KIF3A: variants seen among roughly 807,000 people sequenced by gnomAD.
The protein encoded by KIF3A is kinesin family member 3A.
KIF3A carries 27 observed loss-of-function variants against 92.6 expected under a neutral mutation model. That is an observed-to-expected ratio of 0.29 (90% confidence interval 0.21 to 0.40). The LOEUF is 0.40. KIF3A is among the 10% of genes least tolerant of loss of function. The pLI is 1.00. For synonymous variants in KIF3A, 250 were observed against 275.4 expected (o/e 0.91, Z 0.92); for missense variants, 581 against 872.6 (o/e 0.67, Z 4.21).
chr5:132,737,534 A>G lies in KIF3A; in HGVS notation c.-115T>C. 1 of 1,257,676 alleles carries G rather than the reference A, an allele frequency of 8.0e-7. No homozygotes were observed. Among genetic ancestry groups the G allele is most frequent in the Non-Finnish European group, 1.1e-6 (1 of 916,350 alleles). The allele number at this position is 1,257,676 out of a possible 1,614,324, so 77.9% of individuals were successfully genotyped here. A position where few individuals can be genotyped will look rare whatever the true frequency, so the allele number is the denominator to read the frequency against. ...GAAACACCTCGTTGACGCTCTCGAG[A>G]CTGCGGCTTCTCGGGCGAGAGCGCC... On this transcript the variant is annotated 5_prime_UTR_variant, in exon 1 of 19. Transcript: ENST00000403231.
intron 1 of KIF3A, 31 bp from the exon 2 acceptor site, chr5:132,734,509 A>G (rs754509320): frequency 6.4e-7 from 1 of 1,558,958 alleles, no homozygotes; most frequent in South Asian, 1.2e-5. Flanking sequence ...AAATAATGAA[A>G]AGAACATTAA....
At chr5:132,707,834 T>C (rs989085885) in intron 10 of KIF3A, among the ~76,000 whole-genome samples, 2 of 152,232 alleles carry the variant, frequency 1.3e-5, no homozygotes, top group Non-Finnish European at 2.9e-5. Context: ...ACTACTCCCC[T>C]TTCTTCTGAA....
At position 132,694,826 on chromosome 5, in the gene KIF3A, A is replaced by G. The variant is rs920147827; in HGVS notation, c.*1808T>C. On this transcript the variant is annotated 3_prime_UTR_variant, in exon 19 of 19. Transcript: ENST00000403231. ...AGTAATAAATTTCTAGCTATCTTAC[A>G]TACCACAAACAAATGCAGCCAGTGA... 1 of 152,358 alleles carries G rather than the reference A, an allele frequency of 6.6e-6. No homozygotes were observed. The highest frequency in any genetic ancestry group is 1.9e-4 in the East Asian group (1 of 5,342). 9.4% of individuals were successfully genotyped at this position (152,358 alleles called of 1,614,324 possible).
In KIF3A at chr5:132,726,501, G is replaced by A; in HGVS notation, c.281-3C>T. Reference sequence around the variant, plus strand: ...TTGTCCATATGCAAAAATAGTCCCTGAAAATGATGAAGAGAATCAGTTACT... The same window carrying A: ...TTGTCCATATGCAAAAATAGTCCCTAAAAATGATGAAGAGAATCAGTTACT... On this transcript the variant is annotated splice_polypyrimidine_tract_variant and splice_region_variant and intron_variant, in intron 2 of 18. Coordinates refer to ENST00000403231, the MANE Select transcript of KIF3A (RefSeq NM_001300791.2). 1 of 1,611,870 alleles carries A rather than the reference G, an allele frequency of 6.2e-7. No homozygotes were observed. Among genetic ancestry groups the A allele is most frequent in the Non-Finnish European group, 8.5e-7 (1 of 1,178,432 alleles).
intron 18 of KIF3A, chr5:132,697,768 A>G (rs999702663): frequency 2.0e-5 from 3 of 152,674 alleles, no homozygotes; most frequent in Non-Finnish European, 4.4e-5. Flanking sequence ...AAAAGAAAAG[A>G]AAACAGAAGA....
intron 5 of KIF3A, among the ~76,000 whole-genome samples, chr5:132,717,198 G>A (rs879605476): frequency 1.3e-5 from 2 of 151,934 alleles, no homozygotes; most frequent in Non-Finnish European, 2.9e-5. Context: ...TCATATTAAA[G>A]ACATAACTTT....
chr5:132,726,165 C>T lies in KIF3A; in HGVS notation c.473G>A (p.Arg158His), dbSNP rs1368924100. 1.9e-6 allele frequency: 3 copies of T among 1,611,800 alleles called. No homozygotes were observed. Among genetic ancestry groups the T allele is most frequent in the African/African-American group, 1.3e-5 (1 of 74,926 alleles). The change falls in exon 4 of 19, where the codon CGT (arginine) becomes CAT (histidine). Residue 158 changes from arginine to histidine, a missense_variant. Transcript: ENST00000403231. ...SYLEIYNEEV[R>H]DLLGKDQTQR... ...TGTCTGATCCTTGCCCAAAAGGTCA[C>T]GAACTTCTTCATTATATATTTCCAA...
chr5:132,736,395 TTCTC>T (rs1447785975), intron 1 of KIF3A, among the ~76,000 whole-genome samples: 1 of 152,200 alleles, frequency 6.6e-6, no homozygotes, highest in South Asian at 2.1e-4. Flanking sequence ...CAGAATCTAC[TTCTC>T]TCTATTGTAG....
chr5:132,709,890 T>C (rs1753356240), intron 9 of KIF3A, among the ~76,000 whole-genome samples: 1 of 152,240 alleles, frequency 6.6e-6, no homozygotes, highest in Admixed American at 6.5e-5. Flanking sequence ...ATTATTTTTC[T>C]GTCTTTTGAA....
At position 132,731,543 on chromosome 5, in the gene KIF3A, G is replaced by A. The variant is rs144729216; in HGVS notation, c.280+2662C>T. 5.8e-3 allele frequency among the ~76,000 whole-genome samples: 888 copies of A among 152,174 alleles called. 16 individuals are homozygous for A. Among genetic ancestry groups the A allele is most frequent in the African/African-American group, 0.02 (845 of 41,534 alleles). ...TAAAATTTACAGACATCATCATACT[G>A]GTGAAAGAATGAATGCATTTTCCCT... On this transcript the variant is annotated intron_variant, in intron 2 of 18. Transcript: ENST00000403231.
intron 4 of KIF3A, among the ~76,000 whole-genome samples, chr5:132,724,252 A>T (rs1753925897): frequency 6.6e-6 from 1 of 152,184 alleles, no homozygotes; most frequent in African/African-American, 2.4e-5. Context: ...TTCCTCAGGG[A>T]TCTAGAACTA....
intron 1 of KIF3A, 134 bp downstream of exon 1, chr5:132,737,280 T>TCCACCGCACGACCGAGCCTGCC: frequency 1.0e-6 from 1 of 1,000,492 alleles, no homozygotes. Context: ...TCCAACCACC[T>TCCACCGCACGACCGAGCCTGCC]CCACCGCACG....
chr5:132,705,851 T>C (rs895775843), intron 11 of KIF3A, among the ~76,000 whole-genome samples: 3 of 152,122 alleles, frequency 2.0e-5, no homozygotes, highest in Non-Finnish European at 2.9e-5. Context: ...GTCACTTTTA[T>C]ATGTATTTTT....
At chr5:132,727,062 C>CT (rs1284753928) in intron 2 of KIF3A, among the ~76,000 whole-genome samples, 1 of 152,120 alleles carries the variant, frequency 6.6e-6, no homozygotes, top group African/African-American at 2.4e-5. Context: ...AAAATGATAG[C>CT]TTTTTTCTTA....
At chr5:132,736,127 A>G (rs1436991669) in intron 1 of KIF3A, among the ~76,000 whole-genome samples, 1 of 152,124 alleles carries the variant, frequency 6.6e-6, no homozygotes, top group African/African-American at 2.4e-5. Context: ...CTGGACACAA[A>G]TTTTACTTTT....
At chr5:132,712,910 A>G (rs953137793) in intron 8 of KIF3A, among the ~76,000 whole-genome samples, 1 of 152,230 alleles carries the variant, frequency 6.6e-6, no homozygotes, top group Non-Finnish European at 1.5e-5. Context: ...CTGTAGTCCC[A>G]GCACTTTGAG....
rs778881591 is a variant in KIF3A, at chr5:132,702,040, T to G, written c.1884+47A>C. The G allele has an allele frequency of 2.6e-6, 4 of 1,559,002 alleles. No individual in the cohort carries two copies. The East Asian group carries it at 9.0e-5, about 35-fold the overall frequency. Reference sequence around the variant, plus strand: ...CAGTTAAATTAGAAATCTTTGTTCCTTAATCCCAGTCAAGCGACTATCTCG... The same window carrying G: ...CAGTTAAATTAGAAATCTTTGTTCCGTAATCCCAGTCAAGCGACTATCTCG... On this transcript the variant is annotated intron_variant, in intron 15 of 18. Transcript: ENST00000403231.
In KIF3A at chr5:132,726,369, G is replaced by A. The variant is rs753931018; in HGVS notation, c.410C>T (p.Ala137Val). ...FAHIFGHIAK[A>V]EGDTRFLVRV... ...TCCCTTTTACCTTGTATCACCCTCC[G>A]CTTTTGCAATATGACCAAATATGTG... is the stretch of plus-strand genomic sequence containing the variant. The change falls in exon 3 of 19, where the codon GCG becomes GTG. Residue 137 changes from alanine to valine, a missense_variant. Coordinates refer to ENST00000403231, the MANE Select transcript of KIF3A (RefSeq NM_001300791.2). 7.4e-6 allele frequency: 12 copies of A among 1,613,420 alleles called. No homozygotes were observed. The highest frequency in any genetic ancestry group is 2.2e-5 in the East Asian group (1 of 44,846).
At chr5:132,702,840 A>G (rs751257834) in intron 13 of KIF3A, 45 bp downstream of exon 13, 2 of 1,577,796 alleles carry the variant, frequency 1.3e-6, no homozygotes, top group Non-Finnish European at 1.7e-6. Flanking sequence ...GAAAAGTTAA[A>G]TCTCTCTGGC....
Sources: gnomAD v4.1 joint callset for allele counts (sites outside exome capture counted in the v4.1 genomes callset) on GRCh38, gnomAD v4.1.1 for gene constraint, MANE v1.5 for transcripts, NCBI Gene and HGNC (gene_info 2026-07-23, HGNC 2026-07-21) for gene names.